ARGFX: variants seen among roughly 807,000 people sequenced by gnomAD.
ARGFX encodes arginine-fifty homeobox.
ARGFX carries 10 observed loss-of-function variants against 8.0 expected under a neutral mutation model. That is an observed-to-expected ratio of 1.25 (90% confidence interval 0.77 to 2.12). ARGFX has a LOEUF of 2.12. ARGFX is among the 30% of genes most tolerant of loss of function. The probability of loss-of-function intolerance (pLI) is 0.00; values close to 1 mark genes in which losing one functional copy is unlikely to be tolerated. For missense variants in ARGFX, 282 were observed against 324.3 expected (o/e 0.87, Z 1.00); for synonymous variants, 116 against 117.8 (o/e 0.98, Z 0.10).
rs2048811483 is a variant in ARGFX, at chr3:121,586,145, C to A, written c.493C>A (p.Pro165Thr). The A allele has an allele frequency of 6.2e-7, 1 of 1,614,026 alleles. No homozygotes were observed. Among genetic ancestry groups the A allele is most frequent in the Non-Finnish European group, 8.5e-7 (1 of 1,179,994 alleles). ...CACCTCCCCCAGAACATCCCCCAGTCCTTATGCTTTTTCTCCTGTGATTTC... is the reference window on the plus strand; with the variant it reads ...CACCTCCCCCAGAACATCCCCCAGTACTTATGCTTTTTCTCCTGTGATTTC... ...VPTSPRTSPS[P>T]YAFSPVISDF... Residue 165 changes from proline (P) to threonine (T), a missense_variant, in exon 5 of 5, where the codon CCT (proline) becomes ACT (threonine). By Grantham distance (38) the Pro-to-Thr change is conservative (BLOSUM62 -1). Coordinates refer to ENST00000334384, the MANE Select transcript of ARGFX (RefSeq NM_001012659.2).
At chr3:121,583,025 A>ATTTTT (rs35823830) in intron 3 of ARGFX, among the ~76,000 whole-genome samples, 2 of 108,332 alleles carry the variant, frequency 1.8e-5, no homozygotes, top group Non-Finnish European at 3.6e-5. Flanking sequence ...TAATTGCGGG[A>ATTTTT]TTTTTTTTTT....
chr3:121,583,218 C>G (rs2048790667), intron 3 of ARGFX, among the ~76,000 whole-genome samples: 1 of 150,918 alleles, frequency 6.6e-6, no homozygotes, highest in Non-Finnish European at 1.5e-5. Context: ...TTAGTGGAGA[C>G]AGGGTTTTGC....
intron 3 of ARGFX, among the ~76,000 whole-genome samples, chr3:121,577,314 C>A (rs576817810): frequency 7.3e-6 from 1 of 137,618 alleles, no homozygotes; most frequent in Non-Finnish European, 1.5e-5. Flanking sequence ...AGTGCAGTGG[C>A]GTGGTCTTGG....
chr3:121,568,813 A>C (rs891906280), intron 1 of ARGFX, among the ~76,000 whole-genome samples: 1 of 152,208 alleles, frequency 6.6e-6, no homozygotes, highest in Non-Finnish European at 1.5e-5. Context: ...ATTTACTCTT[A>C]GGATTGTACT....
At chr3:121,575,903 ACT>A in intron 2 of ARGFX, among the ~76,000 whole-genome samples, 1 of 138,314 alleles carries the variant, frequency 7.2e-6, no homozygotes, top group East Asian at 2.2e-4. Flanking sequence ...TTCCGGTGAG[ACT>A]CTGTCTCAAA....
rs1209703137 is a variant in ARGFX, at chr3:121,588,547, G to C, written c.*1947G>C. ...AGATAAGTACCTCTCAATGAAAAAT[G>C]TAAAAGTACCTAGAAATTCACAAAA... On this transcript the variant is annotated 3_prime_UTR_variant, in exon 5 of 5. Coordinates refer to ENST00000334384, the MANE Select transcript of ARGFX (RefSeq NM_001012659.2). Among the ~76,000 whole-genome samples the C allele has an allele frequency of 6.6e-6, 1 of 151,352 alleles. No individual in the cohort carries two copies. Among genetic ancestry groups the C allele is most frequent in the Non-Finnish European group, 1.5e-5 (1 of 67,776 alleles).
chr3:121,582,226 T>C (rs2048784205), intron 3 of ARGFX, among the ~76,000 whole-genome samples: 21 of 152,176 alleles, frequency 1.4e-4, no homozygotes, highest in Admixed American at 1.4e-3. Context: ...TAATATTATA[T>C]AAATAAGTTT....
intron 2 of ARGFX, among the ~76,000 whole-genome samples, chr3:121,575,292 C>G (rs939131494): frequency 6.6e-6 from 1 of 151,544 alleles, no homozygotes; most frequent in African/African-American, 2.4e-5. Flanking sequence ...TGCACTCCAG[C>G]CTGGCGACAG....
intron 3 of ARGFX, 143 bp from the exon 4 acceptor site, chr3:121,584,774 C>T (rs1288723723): frequency 1.4e-5 from 13 of 936,892 alleles, no homozygotes; most frequent in Non-Finnish European, 1.8e-5. Context: ...CTGGGATCTG[C>T]ATTTTCTGGA....
At chr3:121,574,205 G>A (rs929961750) in intron 2 of ARGFX, among the ~76,000 whole-genome samples, 1 of 152,126 alleles carries the variant, frequency 6.6e-6, no homozygotes, top group Non-Finnish European at 1.5e-5. Flanking sequence ...GGTATGAAAA[G>A]CTCTTTCCAG....
intron 3 of ARGFX, among the ~76,000 whole-genome samples, chr3:121,580,186 G>A (rs1284490044): frequency 2.6e-5 from 4 of 151,030 alleles, no homozygotes; most frequent in South Asian, 2.1e-4. Flanking sequence ...GACTGGTCTC[G>A]AACTCCTAAG....
intron 3 of ARGFX, among the ~76,000 whole-genome samples, chr3:121,578,677 T>A (rs1365860931): frequency 6.6e-6 from 1 of 151,646 alleles, no homozygotes; most frequent in African/African-American, 2.4e-5. Flanking sequence ...TTTATCTTTT[T>A]TTTTTTTTTT....
chr3:121,578,940 G>A (rs1339703692), intron 3 of ARGFX, among the ~76,000 whole-genome samples: 3 of 151,772 alleles, frequency 2.0e-5, no homozygotes, highest in Non-Finnish European at 4.4e-5. Context: ...GCCTCCCAAA[G>A]TGCTGGAATT....
intron 3 of ARGFX, among the ~76,000 whole-genome samples, chr3:121,578,686 T>C (rs1162502188): frequency 6.6e-6 from 1 of 151,700 alleles, no homozygotes. Context: ...TTTTTTTTTT[T>C]TTTAAACAGA....
At chr3:121,569,850 C>T (rs1471361095) in intron 1 of ARGFX, among the ~76,000 whole-genome samples, 4 of 152,112 alleles carry the variant, frequency 2.6e-5, no homozygotes, top group Non-Finnish European at 4.4e-5. Context: ...TTCCCCTGTA[C>T]ATTTGTTATA....
intron 3 of ARGFX, among the ~76,000 whole-genome samples, chr3:121,584,254 G>GGAAGGAAGGAAGGAAA (rs2048797920): frequency 7.0e-6 from 1 of 143,600 alleles, no homozygotes; most frequent in South Asian, 2.2e-4. Flanking sequence ...AAGGAAGGAA[G>GGAAGGAAGGAAGGAAA]GAAGGAAGGA....
intron 2 of ARGFX, among the ~76,000 whole-genome samples, chr3:121,574,721 A>G (rs927697983): frequency 1.3e-5 from 2 of 152,214 alleles, no homozygotes; most frequent in African/African-American, 4.8e-5. Context: ...ATGGACCCAT[A>G]CCAGTTTGTG....
At chr3:121,577,259 A>ATATATATATATATTTTTT (rs1403064031) in intron 3 of ARGFX, among the ~76,000 whole-genome samples, 1 of 59,644 alleles carries the variant, frequency 1.7e-5, no homozygotes, top group African/African-American at 6.2e-5. Context: ...ATATATATAT[A>ATATATATATATATTTTTT]TTTTTTTTTT....
At position 121,588,081 on chromosome 3, in the gene ARGFX, TAAAG is replaced by T. The variant is rs2108840263; in HGVS notation, c.*1483_*1486del. Among the ~76,000 whole-genome samples the T allele has an allele frequency of 6.6e-6, 1 of 151,814 alleles. No individual in the cohort carries two copies. Among genetic ancestry groups the T allele is most frequent in the East Asian group, 1.9e-4 (1 of 5,170 alleles). ...TGATAAACTTGCAAAACTCACAAAATAAAGAGTCAAACTTTTAGAATGACAAGTT... is the reference window on the plus strand; with the variant it reads ...TGATAAACTTGCAAAACTCACAAAATAGTCAAACTTTTAGAATGACAAGTT... On this transcript the variant is annotated 3_prime_UTR_variant, in exon 5 of 5. Transcript: ENST00000334384.
Sources: gnomAD v4.1 joint callset for allele counts (sites outside exome capture counted in the v4.1 genomes callset) on GRCh38, gnomAD v4.1.1 for gene constraint, MANE v1.5 for transcripts, NCBI Gene and HGNC (gene_info 2026-07-23, HGNC 2026-07-21) for gene names.